Variants in MBP observed in about 807,000 individuals in gnomAD.
MBP encodes the protein Golli-MBP.
Under a neutral mutation model 35.8 loss-of-function variants are expected in MBP, and 16 were observed. The observed-to-expected ratio is 0.45, with a 90% CI of 0.30 to 0.68. The LOEUF (loss-of-function observed/expected upper bound fraction) is 0.68, where lower values mean the gene tolerates loss of function less well. MBP is among the 30% of genes least tolerant of loss of function. The probability of loss-of-function intolerance (pLI) is 0.08; values close to 1 mark genes in which losing one functional copy is unlikely to be tolerated. For synonymous variants in MBP, 143 were observed against 159.6 expected, an observed-to-expected ratio of 0.90 and a Z score of 0.78; for missense variants, 380 against 404.7, an observed-to-expected ratio of 0.94 and a Z score of 0.52.
chr18:77,097,669 G>A (rs778215677), intron 2 of MBP, among the ~76,000 whole-genome samples: 1 of 152,174 alleles, frequency 6.6e-6, no homozygotes, highest in Non-Finnish European at 1.5e-5. Context: ...AGTGGGATGT[G>A]TTAGGAGCTG....
chr18:77,096,824 T>C (rs1017868903), intron 2 of MBP, among the ~76,000 whole-genome samples: 1 of 152,362 alleles, frequency 6.6e-6, no homozygotes, highest in Middle Eastern at 3.4e-3. Context: ...GTTGTGTTTT[T>C]ATTTTTCAAG....
At chr18:77,025,193 G>C (rs532077624) in intron 3 of MBP, among the ~76,000 whole-genome samples, 19 of 152,312 alleles carry the variant, frequency 1.2e-4, no homozygotes, top group African/African-American at 4.6e-4. Flanking sequence ...ACCTCTAGCT[G>C]TCTGACACCA....
chr18:77,067,925 G>A (rs1974264698), intron 2 of MBP: 7 of 459,144 alleles, frequency 1.5e-5, no homozygotes, highest in South Asian at 1.1e-4. Flanking sequence ...TTTGTTCCTG[G>A]AGAGAAGTCC....
intron 3 of MBP, among the ~76,000 whole-genome samples, chr18:77,053,669 C>T (rs1973604028): frequency 6.6e-6 from 1 of 152,226 alleles, no homozygotes; most frequent in African/African-American, 2.4e-5. Context: ...GCCTCAGGCA[C>T]ACTGTCTGCT....
intron 4 of MBP, among the ~76,000 whole-genome samples, chr18:77,001,703 A>G (rs896101694): frequency 2.6e-5 from 4 of 152,152 alleles, no homozygotes; most frequent in Non-Finnish European, 5.9e-5. Flanking sequence ...TACGAGAATT[A>G]GCTGGGCGTG....
intron 3 of MBP, among the ~76,000 whole-genome samples, chr18:77,022,043 C>T (rs1181216874): frequency 6.6e-6 from 1 of 152,156 alleles, no homozygotes; most frequent in Non-Finnish European, 1.5e-5. Context: ...TGGATGTTTG[C>T]ACACTTACAA....
chr18:77,116,064 T>G (rs12962477), intron 1 of MBP, among the ~76,000 whole-genome samples: 3,367 of 78,530 alleles, frequency 0.043, 4 homozygotes, highest in South Asian at 0.076. Flanking sequence ...TCAAGGAAAA[T>G]AAGGCAATGT....
At chr18:77,021,482 CT>C (rs140602815) in intron 3 of MBP, among the ~76,000 whole-genome samples, 17,761 of 121,932 alleles carry the variant, frequency 0.15, 1,125 homozygotes, top group African/African-American at 0.29. Context: ...GAAGATGCAC[CT>C]TTTTTTTTTT....
In MBP at chr18:77,047,556, T is replaced by G. The variant is rs470478; in HGVS notation, c.139+18742A>C. Among the ~76,000 whole-genome samples the G allele has an allele frequency of 1.6e-4, 24 of 152,318 alleles. 1 individual carries two copies. The highest frequency in any genetic ancestry group is 5.1e-4 in the African/African-American group (21 of 41,546). On this transcript the variant is annotated intron_variant, in intron 3 of 8. Transcript: ENST00000355994. ...GGTGGTGAAAATGTTCTAAGGTTAG[T>G]TAACGATGGTTGCACAGTTCTGGGG...
At chr18:77,051,271 A>G (rs1973477218) in intron 3 of MBP, among the ~76,000 whole-genome samples, 1 of 152,340 alleles carries the variant, frequency 6.6e-6, no homozygotes, top group Admixed American at 6.5e-5. Context: ...GTGTGCCCAA[A>G]TTACGAGGTT....
At chr18:77,068,801 C>A (rs990774660) in intron 2 of MBP, among the ~76,000 whole-genome samples, 9 of 152,166 alleles carry the variant, frequency 5.9e-5, no homozygotes, top group Admixed American at 2.0e-4. Context: ...AATGAGATTT[C>A]TTTTTAACAC....
At chr18:77,000,715 TTG>T (rs1970584144) in intron 4 of MBP, among the ~76,000 whole-genome samples, 1 of 152,052 alleles carries the variant, frequency 6.6e-6, no homozygotes, top group African/African-American at 2.4e-5. Flanking sequence ...GTTGTTTTTT[TTG>T]TTTTTGTTTT....
intron 3 of MBP, among the ~76,000 whole-genome samples, chr18:77,056,683 G>T (rs186929485): frequency 4.1e-4 from 62 of 152,236 alleles, no homozygotes; most frequent in African/African-American, 1.4e-3. Context: ...AGTTCAGCTC[G>T]CTCTCTCCTA....
chr18:77,039,457 T>G (rs755763265), intron 3 of MBP, among the ~76,000 whole-genome samples: 2 of 152,322 alleles, frequency 1.3e-5, no homozygotes, highest in South Asian at 4.1e-4. Flanking sequence ...AGTTAAAGTA[T>G]GCATTTGGTT....
At chr18:77,035,113 C>A (rs905130241) in intron 3 of MBP, among the ~76,000 whole-genome samples, 3 of 152,226 alleles carry the variant, frequency 2.0e-5, no homozygotes, top group Admixed American at 1.3e-4. Flanking sequence ...AGAACAGGCT[C>A]CGGGGCACAG....
intron 1 of MBP, among the ~76,000 whole-genome samples, chr18:77,125,127 CCCTTT>C (rs1977009640): frequency 6.6e-6 from 1 of 152,122 alleles, no homozygotes; most frequent in African/African-American, 2.4e-5. Context: ...GTCTCTCCTG[CCCTTT>C]CTTCTTCCTC....
At chr18:76,991,753 G>C (rs73968250) in intron 4 of MBP, among the ~76,000 whole-genome samples, 8,787 of 152,244 alleles carry the variant, frequency 0.058, 356 homozygotes, top group East Asian at 0.13. Flanking sequence ...GCGCCCCGTC[G>C]ACACAGAACG....
chr18:77,058,163 G>A (rs2144746262), intron 3 of MBP, among the ~76,000 whole-genome samples: 1 of 152,240 alleles, frequency 6.6e-6, no homozygotes, highest in East Asian at 1.9e-4. Context: ...GGGCTGCACC[G>A]GCTCTTCAGG....
chr18:77,039,543 C>G (rs557192944), intron 3 of MBP, among the ~76,000 whole-genome samples: 1 of 152,042 alleles, frequency 6.6e-6, no homozygotes, highest in Non-Finnish European at 1.5e-5. Flanking sequence ...GGAAGTCAGC[C>G]CTCTGGGATA....
Sources: gnomAD v4.1 joint callset for allele counts (sites outside exome capture counted in the v4.1 genomes callset) on GRCh38, gnomAD v4.1.1 for gene constraint, MANE v1.5 for transcripts, NCBI Gene and HGNC (gene_info 2026-07-23, HGNC 2026-07-21) for gene names.